HS3ST4: variants seen among roughly 807,000 people sequenced by gnomAD.
HS3ST4 encodes heparan sulfate glucosamine 3-O-sulfotransferase 4.
A neutral mutation model predicts 29.2 loss-of-function variants in HS3ST4; 17 were observed. The observed-to-expected ratio is 0.58, with a 90% CI of 0.40 to 0.87. HS3ST4 has a LOEUF of 0.87. Ranked by LOEUF, HS3ST4 falls within the 40% of genes least tolerant of loss-of-function variation. The probability of loss-of-function intolerance (pLI) is 0.00; values close to 1 mark genes in which losing one functional copy is unlikely to be tolerated. For missense variants in HS3ST4, 627 were observed against 634.5 expected, an observed-to-expected ratio of 0.99 and a Z score of 0.13; for synonymous variants, 314 against 285.7, an observed-to-expected ratio of 1.10 and a Z score of -1.00.
intron 1 of HS3ST4, among the ~76,000 whole-genome samples, chr16:25,833,314 A>G (rs1967324433): frequency 6.6e-6 from 1 of 152,270 alleles, no homozygotes; most frequent in East Asian, 1.9e-4. Flanking sequence ...TTCTTGATCC[A>G]AGATTGATCT....
chr16:25,795,632 A>G (rs563938896), intron 1 of HS3ST4, among the ~76,000 whole-genome samples: 19 of 152,160 alleles, frequency 1.2e-4, no homozygotes, highest in African/African-American at 4.3e-4. Context: ...GGTAATTTCA[A>G]TTGGATGTTG....
At chr16:25,873,944 G>A (rs1485362039) in intron 1 of HS3ST4, among the ~76,000 whole-genome samples, 1 of 152,156 alleles carries the variant, frequency 6.6e-6, no homozygotes, top group South Asian at 2.1e-4. Flanking sequence ...GGACCAACAC[G>A]TACAATAGTA....
At chr16:25,949,118 A>G (rs2141696115) in intron 1 of HS3ST4, among the ~76,000 whole-genome samples, 1 of 152,140 alleles carries the variant, frequency 6.6e-6, no homozygotes, top group Middle Eastern at 3.4e-3. Context: ...ATGGGGTAAA[A>G]GAGATTTTTT....
chr16:26,000,179 A>G (rs1260958967), intron 1 of HS3ST4, among the ~76,000 whole-genome samples: 1 of 152,006 alleles, frequency 6.6e-6, no homozygotes, highest in African/African-American at 2.4e-5. Flanking sequence ...TTACCAGCTT[A>G]TGCAACTAAG....
At chr16:26,023,054 GAA>G (rs1969430489) in intron 1 of HS3ST4, among the ~76,000 whole-genome samples, 1 of 151,794 alleles carries the variant, frequency 6.6e-6, no homozygotes, top group Non-Finnish European at 1.5e-5. Context: ...AAAAAAAGAA[GAA>G]GAAAAAAAAC....
chr16:25,763,646 G>C (rs1169192967), intron 1 of HS3ST4, among the ~76,000 whole-genome samples: 1 of 152,210 alleles, frequency 6.6e-6, no homozygotes, highest in Non-Finnish European at 1.5e-5. Flanking sequence ...ATTGCAGGCA[G>C]AGGGAAGGAA....
intron 1 of HS3ST4, among the ~76,000 whole-genome samples, chr16:26,102,781 G>A (rs1304825428): frequency 6.6e-6 from 1 of 152,182 alleles, no homozygotes; most frequent in Non-Finnish European, 1.5e-5. Context: ...GTCCATTTCA[G>A]TTGCAGCAAG....
intron 1 of HS3ST4, among the ~76,000 whole-genome samples, chr16:25,918,164 A>C (rs1259602585): frequency 6.6e-6 from 1 of 152,244 alleles, no homozygotes; most frequent in Non-Finnish European, 1.5e-5. Flanking sequence ...TGGGTAGAAT[A>C]ATCTTTTTTT....
intron 1 of HS3ST4, among the ~76,000 whole-genome samples, chr16:26,021,256 T>C (rs1449538880): frequency 6.6e-6 from 1 of 152,208 alleles, no homozygotes; most frequent in Non-Finnish European, 1.5e-5. Flanking sequence ...CGATTTTACA[T>C]ACATGTCTGA....
At chr16:25,862,182 T>TTTAA (rs1288058521) in intron 1 of HS3ST4, among the ~76,000 whole-genome samples, 2 of 148,822 alleles carry the variant, frequency 1.3e-5, no homozygotes, top group African/African-American at 2.5e-5. Flanking sequence ...TATTTATTTA[T>TTTAA]TTATTTATTT....
At position 26,056,289 on chromosome 16, in the gene HS3ST4, G is replaced by T. The variant is rs140518159; in HGVS notation, c.735-79323G>T. 4.6e-3 allele frequency among the ~76,000 whole-genome samples: 704 copies of T among 152,272 alleles called. 1 individual carries two copies. The highest frequency in any genetic ancestry group is 0.01 in the Middle Eastern group (3 of 294). ...CCAGCAGACCAGGTTGGAAGTTTTT[G>T]AGAACTATTGGTCAAAAAACCATTG... On this transcript the variant is annotated intron_variant, in intron 1 of 1. Coordinates refer to ENST00000331351, the MANE Select transcript of HS3ST4 (RefSeq NM_006040.3).
chr16:26,000,099 G>T, intron 1 of HS3ST4, among the ~76,000 whole-genome samples: 1 of 151,510 alleles, frequency 6.6e-6, no homozygotes. Flanking sequence ...CAGTATAAAA[G>T]AGATGAAAGT....
chr16:26,056,094 T>C (rs1469014111), intron 1 of HS3ST4, among the ~76,000 whole-genome samples: 2 of 151,086 alleles, frequency 1.3e-5, no homozygotes, highest in African/African-American at 4.9e-5. Context: ...TGCATTAAGA[T>C]TCATTGTTTT....
chr16:26,058,953 G>A (rs1269920720), intron 1 of HS3ST4, among the ~76,000 whole-genome samples: 3 of 152,152 alleles, frequency 2.0e-5, no homozygotes, highest in East Asian at 1.9e-4. Flanking sequence ...CCAACCTGGG[G>A]GCTGGGAGGA....
intron 1 of HS3ST4, among the ~76,000 whole-genome samples, chr16:25,710,673 A>G (rs898025842): frequency 1.3e-5 from 2 of 151,998 alleles, no homozygotes; most frequent in Non-Finnish European, 2.9e-5. Context: ...GTTTCTTGCT[A>G]CTTATTTTAA....
At chr16:26,115,780 G>A (rs548275552) in intron 1 of HS3ST4, among the ~76,000 whole-genome samples, 10 of 152,020 alleles carry the variant, frequency 6.6e-5, no homozygotes, top group African/African-American at 9.7e-5. Flanking sequence ...CCAAGCAGAC[G>A]ATGAGCACCA....
chr16:26,020,848 T>C (rs1173164389), intron 1 of HS3ST4, among the ~76,000 whole-genome samples: 1 of 152,182 alleles, frequency 6.6e-6, no homozygotes, highest in Non-Finnish European at 1.5e-5. Context: ...AGGACCCACA[T>C]TGTTTAGGTT....
chr16:25,981,603 G>A (rs1443092575), intron 1 of HS3ST4, among the ~76,000 whole-genome samples: 1 of 120,954 alleles, frequency 8.3e-6, no homozygotes, highest in African/African-American at 3.2e-5. Flanking sequence ...ATGTAATGGT[G>A]GAGTTCTTTT....
intron 1 of HS3ST4, among the ~76,000 whole-genome samples, chr16:25,983,657 T>A (rs1199055022): frequency 6.6e-6 from 1 of 152,328 alleles, no homozygotes; most frequent in East Asian, 1.9e-4. Flanking sequence ...CAGCTGTGAT[T>A]CTCCAGCCCA....
Sources: allele counts gnomAD v4.1 joint callset (sites outside exome capture counted in the v4.1 genomes callset), GRCh38; gene constraint gnomAD v4.1.1; transcripts MANE v1.5; gene names NCBI Gene and HGNC (gene_info 2026-07-23, HGNC 2026-07-21).